Variants in CADPS observed in about 807,000 individuals in gnomAD.
CADPS encodes calcium dependent secretion activator.
Under a neutral mutation model 167.3 loss-of-function variants are expected in CADPS, and 57 were observed. The observed-to-expected ratio is 0.34, with a 90% CI of 0.28 to 0.42. The LOEUF is 0.42. Among genes scored for constraint, CADPS ranks in the 20% least tolerant of loss-of-function variants. CADPS has a pLI of 1.00. For synonymous variants in CADPS, 676 were observed against 635.3 expected (o/e 1.06, Z -0.96); for missense variants, 1,414 against 1,738.1 (o/e 0.81, Z 3.32).
In CADPS at chr3:62,433,257, T is replaced by C. The variant is rs948685055; in HGVS notation, c.3777+4847A>G. 3.9e-5 allele frequency among the ~76,000 whole-genome samples: 6 copies of C among 152,206 alleles called. No individual in the cohort carries two copies. Among genetic ancestry groups the C allele is most frequent in the African/African-American group, 1.4e-4 (6 of 41,444 alleles). On this transcript the variant is annotated intron_variant, in intron 28 of 29. Transcript: ENST00000383710. The surrounding 1 kb of genome is among the most constrained non-coding windows in gnomAD (Gnocchi z 4.7). ...GGTTTCATGTTTCAAATTACCCTTT[T>C]CAAGGGAACTAGTCACACTCAATTA... is the stretch of plus-strand genomic sequence containing the variant.
In CADPS at chr3:62,516,192, G is replaced by C. The variant is rs1405063279; in HGVS notation, c.2458-10C>G. The stretch of plus-strand genomic sequence containing the variant: ...TATCTTTCATCAAAACCTTCAAGTA[G>C]GAAAAAGAGGGATTATTAAGAAGGT... On this transcript the variant is annotated splice_polypyrimidine_tract_variant and intron_variant, in intron 15 of 29. Coordinates refer to ENST00000383710, the MANE Select transcript of CADPS (RefSeq NM_003716.4). 2 of 1,611,968 alleles carry C rather than the reference G, an allele frequency of 1.2e-6. No homozygotes were observed. The highest frequency in any genetic ancestry group is 1.7e-6 in the Non-Finnish European group (2 of 1,178,922).
At chr3:62,710,390 T>C (rs1338948416) in intron 3 of CADPS, among the ~76,000 whole-genome samples, 1 of 150,964 alleles carries the variant, frequency 6.6e-6, no homozygotes, top group African/African-American at 2.4e-5. Flanking sequence ...TTTTAAAAAG[T>C]TGAGATATAA....
At chr3:62,522,083 G>A (rs567591211) in intron 13 of CADPS, among the ~76,000 whole-genome samples, 39 of 151,022 alleles carry the variant, frequency 2.6e-4, no homozygotes, top group Non-Finnish European at 4.0e-4. Flanking sequence ...GTGAAAGGTC[G>A]CATCCTCAAA....
intron 1 of CADPS, among the ~76,000 whole-genome samples, chr3:62,825,794 T>G (rs548194442): frequency 1.2e-4 from 18 of 152,160 alleles, no homozygotes; most frequent in Middle Eastern, 3.2e-3. Context: ...CAGCTTCCTA[T>G]GCATGGAGGT....
At chr3:62,782,178 A>G (rs1445730022) in intron 1 of CADPS, among the ~76,000 whole-genome samples, 1 of 152,204 alleles carries the variant, frequency 6.6e-6, no homozygotes, top group Non-Finnish European at 1.5e-5. Context: ...AGGGGGGAAA[A>G]AAGACATTTC....
At chr3:62,400,589 C>CTTTTTTTT (rs1165722852) in intron 29 of CADPS, among the ~76,000 whole-genome samples, 3 of 73,626 alleles carry the variant, frequency 4.1e-5, no homozygotes, top group Non-Finnish European at 2.9e-5. Context: ...ATCATTCTTT[C>CTTTTTTTT]TTTTTTTTTT....
intron 3 of CADPS, among the ~76,000 whole-genome samples, chr3:62,689,934 A>C (rs1476740584): frequency 1.3e-5 from 2 of 152,006 alleles, no homozygotes; most frequent in Non-Finnish European, 2.9e-5. Context: ...ATCCCATGGC[A>C]AGTTCAGCAG....
intron 6 of CADPS, among the ~76,000 whole-genome samples, chr3:62,599,776 T>TA (rs1553968775): frequency 0.013 from 29 of 2,266 alleles, 1 homozygote; most frequent in South Asian, 0.042. Flanking sequence ...ATATAATATA[T>TA]ATATTATATA....
At chr3:62,476,504 C>T (rs558629220) in intron 23 of CADPS, among the ~76,000 whole-genome samples, 1 of 152,136 alleles carries the variant, frequency 6.6e-6, no homozygotes, top group Non-Finnish European at 1.5e-5. Context: ...TTAACAGCTA[C>T]TGTGTGCCAA....
intron 10 of CADPS, among the ~76,000 whole-genome samples, chr3:62,555,277 G>A (rs537523207): frequency 1.2e-4 from 19 of 152,230 alleles, no homozygotes; most frequent in African/African-American, 4.3e-4. Flanking sequence ...CCATGGGATC[G>A]ATGTAAAAAG....
rs183502925 is a variant in CADPS, at chr3:62,815,133, A to G, written c.442-49149T>C. Among the ~76,000 whole-genome samples, 452 of 152,308 alleles carry G rather than the reference A, an allele frequency of 3.0e-3. 5 individuals carry two copies. The highest frequency in any genetic ancestry group is 0.011 in the African/African-American group (439 of 41,582). Reference sequence around the variant, plus strand: ...AAATGAAGATAAAATATGTAGGTAAATATTCACTAACAAGGTAAGTTCAAG... The same window carrying G: ...AAATGAAGATAAAATATGTAGGTAAGTATTCACTAACAAGGTAAGTTCAAG... On this transcript the variant is annotated intron_variant, in intron 1 of 29. Transcript: ENST00000383710.
At chr3:62,869,795 A>G (rs986489684) in intron 1 of CADPS, among the ~76,000 whole-genome samples, 4 of 152,146 alleles carry the variant, frequency 2.6e-5, no homozygotes, top group African/African-American at 9.7e-5. Flanking sequence ...TTTAGAACTT[A>G]TTTCTAGGTT....
chr3:62,837,272 A>G (rs1488581130), intron 1 of CADPS, among the ~76,000 whole-genome samples: 1 of 152,120 alleles, frequency 6.6e-6, no homozygotes, highest in African/African-American at 2.4e-5. Context: ...CTTGTATGTG[A>G]CTGAGCTGTG....
chr3:62,453,827 C>T (rs1473001275), intron 26 of CADPS, among the ~76,000 whole-genome samples: 2 of 152,220 alleles, frequency 1.3e-5, no homozygotes, highest in Admixed American at 6.5e-5. Flanking sequence ...GAAATGTCTT[C>T]TTTGCTTACC....
chr3:62,552,375 T>C (rs1241128678), intron 10 of CADPS, among the ~76,000 whole-genome samples: 1 of 152,136 alleles, frequency 6.6e-6, no homozygotes, highest in Non-Finnish European at 1.5e-5. Flanking sequence ...ACTTAAAGTA[T>C]AAAAAATAAA....
At chr3:62,524,206 A>T (rs2071455854) in intron 13 of CADPS, among the ~76,000 whole-genome samples, 1 of 152,196 alleles carries the variant, frequency 6.6e-6, no homozygotes, top group Non-Finnish European at 1.5e-5. Context: ...AATAACCACA[A>T]ATTCAAGATA....
At chr3:62,627,975 C>T (rs1437150120) in intron 6 of CADPS, among the ~76,000 whole-genome samples, 1 of 152,172 alleles carries the variant, frequency 6.6e-6, no homozygotes, top group Non-Finnish European at 1.5e-5. Context: ...CATCCCTTCC[C>T]CTAAGGAAAT....
chr3:62,741,661 A>C (rs1415274346), intron 3 of CADPS, among the ~76,000 whole-genome samples: 1 of 152,214 alleles, frequency 6.6e-6, no homozygotes, highest in Non-Finnish European at 1.5e-5. Flanking sequence ...ACCCACAGCC[A>C]ACATCATACT....
chr3:62,869,602 C>T (rs569680226), intron 1 of CADPS, among the ~76,000 whole-genome samples: 7 of 152,192 alleles, frequency 4.6e-5, no homozygotes, highest in Non-Finnish European at 8.8e-5. Context: ...TTTCTTCCTT[C>T]CCCACTTTAG....
Sources: allele counts gnomAD v4.1 joint callset (sites outside exome capture counted in the v4.1 genomes callset), GRCh38; gene constraint gnomAD v4.1.1; non-coding constraint Gnocchi (gnomAD v3.1); transcripts MANE v1.5; gene names NCBI Gene and HGNC (gene_info 2026-07-23, HGNC 2026-07-21).